AGAP3: variants seen among roughly 807,000 people sequenced by gnomAD.
The protein encoded by AGAP3 is ArfGAP with GTPase domain, ankyrin repeat and PH domain 3.
A neutral mutation model predicts 96.9 loss-of-function variants in AGAP3; 24 were observed. The ratio of observed to expected loss-of-function variants is 0.25; its 90% CI spans 0.18 to 0.35. The LOEUF is 0.35. AGAP3 is among the 10% of genes least tolerant of loss of function. The pLI, the probability that AGAP3 is intolerant of heterozygous loss-of-function variation, is 1.00. For synonymous variants in AGAP3, 563 were observed against 536.1 expected (o/e 1.05, Z -0.69); for missense variants, 876 against 1,254.2 (o/e 0.70, Z 4.55).
In AGAP3 at chr7:151,139,214, C is replaced by T. The variant is rs1465646519; in HGVS notation, c.1667-765C>T. 2.0e-5 allele frequency among the ~76,000 whole-genome samples: 3 copies of T among 152,244 alleles called. No individual in the cohort carries two copies. The highest frequency in any genetic ancestry group is 6.5e-5 in the Admixed American group (1 of 15,294). ...TGGCTTCCCAAAGGCCTTCCCTGAG[C>T]CCTCCCAGTAGGAGCCCTGAGGCCC... On this transcript the variant is annotated intron_variant, in intron 12 of 17. Coordinates refer to ENST00000397238, the MANE Select transcript of AGAP3 (RefSeq NM_031946.7). The surrounding 1 kb of genome is among the most constrained non-coding windows in gnomAD (Gnocchi z 4.9).
chr7:151,114,858 G>T lies in AGAP3; in HGVS notation c.332-1935G>T, dbSNP rs1179385232. 2 of 1,036,430 alleles carry T rather than the reference G, an allele frequency of 1.9e-6. No individual in the cohort carries two copies. Among genetic ancestry groups the T allele is most frequent in the South Asian group, 3.6e-5 (1 of 27,716 alleles). The allele number at this position is 1,036,430 out of a possible 1,614,324, so 64.2% of individuals were successfully genotyped here. ...CGCCCACAGCGTCTGCGACTCGCTG[G>T]ACCTGCACGGCGCCTCGGCCGGCCG... On this transcript the variant is annotated intron_variant, in intron 1 of 17. Transcript: ENST00000397238. The surrounding 1 kb of genome is among the most constrained non-coding windows in gnomAD (Gnocchi z 4.4).
Position 151,123,823 on chromosome 7 carries a change from G to T in AGAP3, c.1158G>T (p.Glu386Asp). The stretch of plus-strand genomic sequence containing the variant: ...GGAAGGGTGCTGACCTGGACCGGGA[G>T]AAGAAGGCTGCCGAGTGCAAGGTGG... The part of the protein sequence containing the change: ...TSRKGADLDR[E>D]KKAAECKVDS... The change falls in exon 9 of 18, where the codon GAG (glutamate) becomes GAT (aspartate). Residue 386 changes from glutamate (E) to aspartate (D), a missense_variant. Glu to Asp is a conservative substitution (Grantham distance 45). Coordinates refer to ENST00000397238, the MANE Select transcript of AGAP3 (RefSeq NM_031946.7). The T allele has an allele frequency of 6.2e-7, 1 of 1,612,798 alleles. No individual in the cohort carries two copies. Among genetic ancestry groups the T allele is most frequent in the Admixed American group, 1.7e-5 (1 of 60,016 alleles).
rs767538099 is a variant in AGAP3 at position 151,143,874 on chromosome 7, C to T, written c.2667C>T (p.Thr889=). Residue 889 remains threonine (T), a synonymous_variant, in exon 18 of 18, where the codon ACC becomes ACT. Transcript: ENST00000397238. This position sits in a 1 kb window ranked among gnomAD's most constrained non-coding sequence, Gnocchi z 5.9. The stretch of plus-strand genomic sequence containing the variant: ...GGGAGGGCTGTGGCTTAGCGCCTAC[C>T]CCCAACAGAGAGCCTGCCAATGGCA... The part of the protein sequence containing the change: ...CPGEGCGLAP[T]PNREPANGTN... 1.2e-6 allele frequency: 2 copies of T among 1,613,990 alleles called. No individual in the cohort carries two copies. Among genetic ancestry groups the T allele is most frequent in the Non-Finnish European group, 1.7e-6 (2 of 1,180,016 alleles).
rs2150396537 is a variant in AGAP3, at chr7:151,086,905, G to C, written c.164G>C (p.Gly55Ala). ...GGCGGCCCCTCGCAGCAGCTGGCCG[G>C]CGGGCCCCCCCAGCAGTTCGCGCTC... ...GGGGPSQQLA[G>A]GPPQQFALSN... Residue 55 changes from glycine (G) to alanine (A), a missense_variant, in exon 1 of 18, where the codon GGC (glycine) becomes GCC (alanine). Transcript: ENST00000397238. 6.8e-7 allele frequency: 1 copy of C among 1,471,138 alleles called. No individual in the cohort carries two copies. The allele number at this position is 1,471,138 out of a possible 1,614,324, so 91.1% of individuals were successfully genotyped here. A position where few individuals can be genotyped will look rare whatever the true frequency, so the allele number is the denominator to read the frequency against.
Position 151,138,753 on chromosome 7 carries a change from G to A in AGAP3, c.1666+440G>A, listed in dbSNP as rs554562877. On this transcript the variant is annotated intron_variant, in intron 12 of 17. Coordinates refer to ENST00000397238, the MANE Select transcript of AGAP3 (RefSeq NM_031946.7). ...TGAGTAGGGAGGTCGGACGGAGGCT[G>A]GGCGCTCTAAGCCATGTGAGCCACG... 2.0e-5 allele frequency among the ~76,000 whole-genome samples: 3 copies of A among 152,304 alleles called. No individual in the cohort carries two copies. In the South Asian group the frequency reaches 6.2e-4, roughly 32 times the overall value.
In AGAP3 at chr7:151,139,383, G is replaced by A. The variant is rs1268612160; in HGVS notation, c.1667-596G>A. On this transcript the variant is annotated intron_variant, in intron 12 of 17. Transcript: ENST00000397238. This position sits in a 1 kb window ranked among gnomAD's most constrained non-coding sequence, Gnocchi z 4.9. ...TTGGAGCGCATGAGAAGGGGAGCCA[G>A]GGGCCCTTCCCTTGGGTCACCGGTC... Among the ~76,000 whole-genome samples the A allele has an allele frequency of 6.6e-6, 1 of 152,222 alleles. No individual in the cohort carries two copies. The highest frequency in any genetic ancestry group is 2.4e-5 in the African/African-American group (1 of 41,460).
At chr7:151,123,222 C>T in intron 8 of AGAP3, 1 of 1,076,550 alleles carries the variant, frequency 9.3e-7, no homozygotes, top group Non-Finnish European at 1.1e-6. Flanking sequence ...CTTGCCTTGC[C>T]CCCTCTTTTT....
At chr7:151,104,303 A>G (rs989967097) in intron 1 of AGAP3, among the ~76,000 whole-genome samples, 1 of 152,156 alleles carries the variant, frequency 6.6e-6, no homozygotes, top group Admixed American at 6.5e-5. Flanking sequence ...TTGTTGTTCA[A>G]ATGTTATAAC....
chr7:151,121,341 TG>T (rs145627695), intron 8 of AGAP3, among the ~76,000 whole-genome samples: 72 of 151,532 alleles, frequency 4.8e-4, no homozygotes, highest in African/African-American at 1.7e-3. Context: ...CATTAGAGCG[TG>T]GGGGGGGCCG....
chr7:151,086,288 G>T (rs569960432), upstream of AGAP3, among the ~76,000 whole-genome samples: 1 of 150,330 alleles, frequency 6.7e-6, no homozygotes, highest in African/African-American at 2.4e-5. Flanking sequence ...GCTGGAGCGC[G>T]CGGCTCGGGG....
chr7:151,087,789 T>G (rs1289881328), intron 1 of AGAP3, among the ~76,000 whole-genome samples: 1 of 152,266 alleles, frequency 6.6e-6, no homozygotes, highest in African/African-American at 2.4e-5. Flanking sequence ...GCCACTGCGC[T>G]GCCTAGCGCT....
chr7:151,100,214 G>T (rs1306573921), intron 1 of AGAP3, among the ~76,000 whole-genome samples: 5 of 152,194 alleles, frequency 3.3e-5, no homozygotes, highest in African/African-American at 1.2e-4. Flanking sequence ...TCCCCCAGCT[G>T]CGGTGCTGTT....
chr7:151,139,850 C>G lies in AGAP3; in HGVS notation c.1667-129C>G, dbSNP rs532665903. The stretch of plus-strand genomic sequence containing the variant: ...CAGACCTCGCCTAGAGAGAGGTGTC[C>G]GTCTGGCTCTCCTGAGTGTGGCCCA... On this transcript the variant is annotated intron_variant, in intron 12 of 17. Transcript: ENST00000397238. This position sits in a 1 kb window ranked among gnomAD's most constrained non-coding sequence, Gnocchi z 4.9. 67 of 887,204 alleles carry G rather than the reference C, an allele frequency of 7.6e-5. 1 individual carries two copies. The South Asian group carries it at 1.8e-3, about 24-fold the overall frequency. The allele number at this position is 887,204 out of a possible 1,614,324, so 55.0% of individuals were successfully genotyped here. A position where few individuals can be genotyped will look rare whatever the true frequency, so the allele number is the denominator to read the frequency against.
At chr7:151,132,576 C>T (rs1258446819) in intron 10 of AGAP3, among the ~76,000 whole-genome samples, 2 of 152,214 alleles carry the variant, frequency 1.3e-5, no homozygotes, top group Non-Finnish European at 2.9e-5. Flanking sequence ...CCATAGCCAC[C>T]TTGAGAATGA....
At chr7:151,109,165 T>TAA (rs112464213) in intron 1 of AGAP3, among the ~76,000 whole-genome samples, 5,215 of 136,118 alleles carry the variant, frequency 0.038, 132 homozygotes, top group South Asian at 0.11. Flanking sequence ...CCCACCTCTG[T>TAA]AAAAAAAAAA....
At chr7:151,105,771 A>G (rs1401365846) in intron 1 of AGAP3, among the ~76,000 whole-genome samples, 2 of 37,846 alleles carry the variant, frequency 5.3e-5, no homozygotes, top group Middle Eastern at 0.037. Context: ...CAACCCCTCC[A>G]TTCCGCCCCC....
At position 151,095,897 on chromosome 7, in the gene AGAP3, A is replaced by G. The variant is rs530610664; in HGVS notation, c.331+8825A>G. On this transcript the variant is annotated intron_variant, in intron 1 of 17. Coordinates refer to ENST00000397238, the MANE Select transcript of AGAP3 (RefSeq NM_031946.7). ...TGATGTGGAATGAAGCCTGGCCTTC[A>G]TTTCTTCTCTCAGGGCCTGAATAGA... Among the ~76,000 whole-genome samples, 160 of 150,784 alleles carry G rather than the reference A, an allele frequency of 1.1e-3. 1 individual carries two copies. Among genetic ancestry groups the G allele is most frequent in the Non-Finnish European group, 1.7e-3 (114 of 67,806 alleles).
chr7:151,102,059 G>A (rs913594674), intron 1 of AGAP3, among the ~76,000 whole-genome samples: 5 of 152,216 alleles, frequency 3.3e-5, no homozygotes, highest in Admixed American at 1.3e-4. Context: ...GGAGTGGGGC[G>A]TGTGGGTGTC....
chr7:151,135,214 C>T (rs1800547336), intron 11 of AGAP3, among the ~76,000 whole-genome samples: 1 of 152,214 alleles, frequency 6.6e-6, no homozygotes, highest in African/African-American at 2.4e-5. Context: ...CACCCGTTTC[C>T]CTCGCTTCCA....
Sources: gnomAD v4.1 joint callset for allele counts (sites outside exome capture counted in the v4.1 genomes callset) on GRCh38, gnomAD v4.1.1 for gene constraint, Gnocchi (gnomAD v3.1) non-coding constraint, MANE v1.5 for transcripts, NCBI Gene and HGNC (gene_info 2026-07-23, HGNC 2026-07-21) for gene names.